Variants in PDE8A observed in about 807,000 individuals in gnomAD.
PDE8A encodes phosphodiesterase 8A.
PDE8A carries 59 observed loss-of-function variants against 105.0 expected under a neutral mutation model. The ratio of observed to expected loss-of-function variants is 0.56; its 90% CI spans 0.46 to 0.70. The LOEUF is 0.70. Ranked by LOEUF, PDE8A falls within the 30% of genes least tolerant of loss-of-function variation. PDE8A has a pLI of 0.00. For synonymous variants in PDE8A, 355 were observed against 371.9 expected (o/e 0.95, Z 0.52); for missense variants, 1,014 against 1,045.9 (o/e 0.97, Z 0.42).
intron 5 of PDE8A, among the ~76,000 whole-genome samples, chr15:85,081,015 T>C (rs1053123815): frequency 6.6e-6 from 1 of 152,212 alleles, no homozygotes; most frequent in Non-Finnish European, 1.5e-5. Flanking sequence ...AACTAATTAG[T>C]GCTAACTAAT....
chr15:85,137,982 T>A lies in PDE8A; in HGVS notation c.*79T>A. ...CCTGAGGGCAGCCAGAGCTCCTTGGTCCTTTCAGTACTAGGCAGAACAGCC... is the reference window on the plus strand; with the variant it reads ...CCTGAGGGCAGCCAGAGCTCCTTGGACCTTTCAGTACTAGGCAGAACAGCC... On this transcript the variant is annotated 3_prime_UTR_variant, in exon 22 of 22. Coordinates refer to ENST00000394553, the MANE Select transcript of PDE8A (RefSeq NM_002605.3). 1.2e-6 allele frequency: 1 copy of A among 868,356 alleles called. No homozygotes were observed. Among genetic ancestry groups the A allele is most frequent in the Admixed American group, 1.9e-5 (1 of 52,006 alleles). The allele number at this position is 868,356 out of a possible 1,614,324, so 53.8% of individuals were successfully genotyped here.
At chr15:85,111,874 T>C (rs2141596536) in intron 12 of PDE8A, among the ~76,000 whole-genome samples, 1 of 152,362 alleles carries the variant, frequency 6.6e-6, no homozygotes, top group South Asian at 2.1e-4. Context: ...TTTTACATTT[T>C]TGTTGTAGAA....
At chr15:84,986,175 C>T (rs1047804064) in intron 1 of PDE8A, among the ~76,000 whole-genome samples, 4 of 152,136 alleles carry the variant, frequency 2.6e-5, no homozygotes, top group Middle Eastern at 3.4e-3. Flanking sequence ...TGCTGTGAGC[C>T]GAGAGTGCGT....
intron 1 of PDE8A, among the ~76,000 whole-genome samples, chr15:85,046,908 C>G (rs1277173544): frequency 6.6e-6 from 1 of 152,148 alleles, no homozygotes; most frequent in African/African-American, 2.4e-5. Context: ...ACCATATTTA[C>G]AAAAAGTTTT....
rs557548335 is a variant in PDE8A, at chr15:85,002,666, T to C, written c.186+20318T>C. Among the ~76,000 whole-genome samples, 3 of 152,308 alleles carry C rather than the reference T, an allele frequency of 2.0e-5. No individual in the cohort carries two copies. The South Asian group carries it at 6.2e-4, about 32-fold the overall frequency. ...GATTCCCATTTCCTCTCATCTTTCC[T>C]GGGGGAGGTGGGGGAGGTATGCTGA... is the stretch of plus-strand genomic sequence containing the variant. On this transcript the variant is annotated intron_variant, in intron 1 of 21. Coordinates refer to ENST00000394553, the MANE Select transcript of PDE8A (RefSeq NM_002605.3).
chr15:85,059,897 A>T (rs190409004), intron 1 of PDE8A, among the ~76,000 whole-genome samples: 2 of 152,322 alleles, frequency 1.3e-5, no homozygotes, highest in East Asian at 3.9e-4. Context: ...AGTCTCAGCT[A>T]CTCGGGAGAC....
intron 11 of PDE8A, among the ~76,000 whole-genome samples, chr15:85,104,336 A>C (rs1174485662): frequency 3.9e-5 from 6 of 152,166 alleles, no homozygotes; most frequent in Non-Finnish European, 5.9e-5. Flanking sequence ...CATGCAGAGG[A>C]CAAGATGGGA....
At chr15:85,031,780 G>A (rs1005433391) in intron 1 of PDE8A, among the ~76,000 whole-genome samples, 38 of 152,202 alleles carry the variant, frequency 2.5e-4, no homozygotes, top group African/African-American at 7.9e-4. Context: ...TGGTGGTGAC[G>A]GCCTGATTAC....
intron 12 of PDE8A, among the ~76,000 whole-genome samples, chr15:85,112,728 C>T (rs2082038097): frequency 6.6e-6 from 1 of 152,092 alleles, no homozygotes; most frequent in Admixed American, 6.5e-5. Flanking sequence ...GTGGAGATAC[C>T]CAGGACTGGA....
At chr15:85,011,063 A>G (rs2080231391) in intron 1 of PDE8A, among the ~76,000 whole-genome samples, 1 of 152,096 alleles carries the variant, frequency 6.6e-6, no homozygotes, top group Non-Finnish European at 1.5e-5. Context: ...TGTCCTCCCC[A>G]TTCCCTCCTT....
intron 3 of PDE8A, among the ~76,000 whole-genome samples, chr15:85,068,786 T>C (rs1273796084): frequency 6.6e-6 from 1 of 152,202 alleles, no homozygotes; most frequent in Non-Finnish European, 1.5e-5. Context: ...AGGTATGTGC[T>C]AGGCAATGAA....
intron 1 of PDE8A, among the ~76,000 whole-genome samples, chr15:85,051,731 G>A (rs969868360): frequency 6.6e-6 from 1 of 151,966 alleles, no homozygotes; most frequent in Non-Finnish European, 1.5e-5. Context: ...TTCTGTGCCT[G>A]TTAGTTTGCT....
chr15:84,985,553 ACCCTATGCTCACC>A (rs1451038390), intron 1 of PDE8A, among the ~76,000 whole-genome samples: 3 of 151,918 alleles, frequency 2.0e-5, no homozygotes. Context: ...AGTGTTAGAG[ACCCTATGCTCACC>A]CCCTATCTTC....
At chr15:85,027,652 A>C (rs924877480) in intron 1 of PDE8A, among the ~76,000 whole-genome samples, 5 of 152,246 alleles carry the variant, frequency 3.3e-5, no homozygotes, top group Non-Finnish European at 5.9e-5. Context: ...TTTTGGGAAT[A>C]GTGCGATTAA....
intron 1 of PDE8A, among the ~76,000 whole-genome samples, chr15:85,015,726 C>A (rs1425937620): frequency 6.6e-6 from 1 of 152,170 alleles, no homozygotes; most frequent in Non-Finnish European, 1.5e-5. Context: ...TGTTAACTAT[C>A]TGTCCATATC....
At chr15:85,124,504 A>G (rs1407349015) in intron 19 of PDE8A, among the ~76,000 whole-genome samples, 1 of 152,160 alleles carries the variant, frequency 6.6e-6, no homozygotes. Context: ...TTATCCTCGC[A>G]GGCTAGGATC....
intron 1 of PDE8A, among the ~76,000 whole-genome samples, chr15:85,009,110 A>AGT (rs56313426): frequency 0.044 from 2,832 of 64,124 alleles, 27 homozygotes; most frequent in Non-Finnish European, 0.069. Flanking sequence ...AGAGAGAGAG[A>AGT]GTGTGTGTGT....
chr15:85,132,838 CTGTG>C (rs6145662), intron 20 of PDE8A, among the ~76,000 whole-genome samples: 80,798 of 150,968 alleles, frequency 0.54, 24,078 homozygotes, highest in African/African-American at 0.82. Flanking sequence ...AGTTCCTGGT[CTGTG>C]TGTGTGTGTG....
upstream of PDE8A, among the ~76,000 whole-genome samples, chr15:84,981,821 G>A (rs1310612909): frequency 4.0e-5 from 6 of 151,228 alleles, no homozygotes; most frequent in Non-Finnish European, 7.4e-5. Context: ...TGGGTAAGGA[G>A]AGCGCAAATC....
Sources: gnomAD v4.1 joint callset for allele counts (sites outside exome capture counted in the v4.1 genomes callset) on GRCh38, gnomAD v4.1.1 for gene constraint, MANE v1.5 for transcripts, NCBI Gene and HGNC (gene_info 2026-07-23, HGNC 2026-07-21) for gene names.